ARFGEF3: variants seen among roughly 807,000 people sequenced by gnomAD.
The protein encoded by ARFGEF3 is ARFGEF family member 3, also known as brefeldin A-inhibited guanine nucleotide-exchange protein 3.
In ARFGEF3, 96 loss-of-function variants were observed where a neutral mutation model predicts 221.7. The ratio of observed to expected loss-of-function variants is 0.43; its 90% CI spans 0.37 to 0.51. The LOEUF is 0.51. Ranked by LOEUF, ARFGEF3 falls within the 20% of genes least tolerant of loss-of-function variation. ARFGEF3 has a pLI of 0.00. For missense variants in ARFGEF3, 2,410 were observed against 2,789.9 expected (o/e 0.86, Z 3.07); for synonymous variants, 1,145 against 1,126.8 (o/e 1.02, Z -0.32).
At chr6:138,281,384 G>A (rs113464764) in intron 14 of ARFGEF3, among the ~76,000 whole-genome samples, 56 of 152,322 alleles carry the variant, frequency 3.7e-4, no homozygotes, top group Non-Finnish European at 5.9e-4. Context: ...CATATTGCAT[G>A]ATGCTGAGGT....
chr6:138,207,159 A>G (rs1202140710), intron 3 of ARFGEF3, 36 bp downstream of exon 3: 1 of 1,540,814 alleles, frequency 6.5e-7, no homozygotes, highest in East Asian at 2.3e-5. Flanking sequence ...GATGATAGAA[A>G]TTGACAGGCC....
At position 138,262,758 on chromosome 6, in the gene ARFGEF3, A is replaced by G. The variant is rs577556018; in HGVS notation, c.1275A>G (p.Ala425=). ...CIKGGIEACY[A]AVSCVCTLLG... is the part of the protein sequence containing the mutation. ...AGGGTGGCATCGAAGCTTGCTATGCAGCCGTGTCCTGTGTCTGCACCTTGC... is the reference window on the plus strand; with the variant it reads ...AGGGTGGCATCGAAGCTTGCTATGCGGCCGTGTCCTGTGTCTGCACCTTGC... The change falls in exon 12 of 34, where the codon GCA becomes GCG. Residue 425 remains alanine, a synonymous_variant. Coordinates refer to ENST00000251691, the MANE Select transcript of ARFGEF3 (RefSeq NM_020340.5). 69 of 1,613,042 alleles carry G rather than the reference A, an allele frequency of 4.3e-5. No homozygotes were observed. The South Asian group carries it at 7.2e-4, about 17-fold the overall frequency.
intron 2 of ARFGEF3, among the ~76,000 whole-genome samples, chr6:138,185,599 A>T (rs1380764996): frequency 6.6e-6 from 1 of 152,158 alleles, no homozygotes; most frequent in African/African-American, 2.4e-5. Flanking sequence ...TGAAGTTTTA[A>T]ATTAAATGGT....
chr6:138,211,889 G>A (rs1304975514), intron 4 of ARFGEF3, among the ~76,000 whole-genome samples: 2 of 152,138 alleles, frequency 1.3e-5, no homozygotes, highest in East Asian at 1.9e-4. Flanking sequence ...ACCAGAAATC[G>A]TGGAAAGCCT....
At chr6:138,254,808 A>G (rs1241643697) in intron 9 of ARFGEF3, among the ~76,000 whole-genome samples, 1 of 152,232 alleles carries the variant, frequency 6.6e-6, no homozygotes, top group Non-Finnish European at 1.5e-5. Flanking sequence ...TTATGGCAGA[A>G]TATGCTTCCA....
At chr6:138,282,895 A>C (rs1279609835) in intron 14 of ARFGEF3, among the ~76,000 whole-genome samples, 1 of 152,130 alleles carries the variant, frequency 6.6e-6, no homozygotes, top group Non-Finnish European at 1.5e-5. Context: ...CAAAAAAAAT[A>C]CAAAAATTAG....
chr6:138,267,209 A>C (rs185603494), intron 12 of ARFGEF3, among the ~76,000 whole-genome samples: 1 of 152,288 alleles, frequency 6.6e-6, no homozygotes, highest in East Asian at 1.9e-4. Context: ...GGATCACTTG[A>C]GGCCAGGAGT....
At chr6:138,316,264 G>A (rs1472907743) in intron 26 of ARFGEF3, among the ~76,000 whole-genome samples, 1 of 151,922 alleles carries the variant, frequency 6.6e-6, no homozygotes, top group African/African-American at 2.4e-5. Context: ...TAGTAAATCA[G>A]AACAAAAATC....
intron 4 of ARFGEF3, among the ~76,000 whole-genome samples, chr6:138,222,756 T>C (rs1234935917): frequency 6.6e-6 from 1 of 152,172 alleles, no homozygotes; most frequent in Non-Finnish European, 1.5e-5. Context: ...GGGGTACAAG[T>C]GGCTTTTGGT....
Position 138,242,976 on chromosome 6 carries a change from C to A in ARFGEF3, c.568C>A (p.Gln190Lys), listed in dbSNP as rs759894071. ...GATAATTGAAAACCCAGATGTCCCA[C>A]AGGATTTCGGGAATCAAGGTATGGC... ...NTIIENPDVP[Q>K]DFGNQGSTVE... Residue 190 changes from glutamine (Q) to lysine (K), a missense_variant, in exon 7 of 34, where the codon CAG (glutamine) becomes AAG (lysine). Gln to Lys is a moderately conservative substitution (Grantham distance 53). Coordinates refer to ENST00000251691, the MANE Select transcript of ARFGEF3 (RefSeq NM_020340.5). 2.5e-6 allele frequency: 4 copies of A among 1,612,356 alleles called. No homozygotes were observed. Among genetic ancestry groups the A allele is most frequent in the Non-Finnish European group, 3.4e-6 (4 of 1,178,950 alleles).
In ARFGEF3 at chr6:138,286,809, T is replaced by C; in HGVS notation, c.2678T>C (p.Phe893Ser). The C allele has an allele frequency of 6.2e-7, 1 of 1,614,046 alleles. No individual in the cohort carries two copies. ...RMAGSSKGLA[F>S]ILGAEGIKEQ... ...GCGGGGAGCTCCAAAGGGCTGGCCT[T>C]CATTCTGGGAGCTGAAGGCATCAAA... The change falls in exon 16 of 34, where the codon TTC becomes TCC. Residue 893 changes from phenylalanine (F) to serine (S), a missense_variant. By Grantham distance (155) the Phe-to-Ser change is radical (BLOSUM62 -2). Around this residue, in one of 5 missense-constraint regions of ARFGEF3, gnomAD observed 594 missense variants for 734.3 expected, o/e 0.81. Coordinates refer to ENST00000251691, the MANE Select transcript of ARFGEF3 (RefSeq NM_020340.5).
intron 2 of ARFGEF3, among the ~76,000 whole-genome samples, chr6:138,202,205 A>G (rs981742082): frequency 1.3e-5 from 2 of 152,204 alleles, no homozygotes; most frequent in African/African-American, 4.8e-5. Context: ...GGTTTTTGCT[A>G]TGCCCTTTTC....
intron 25 of ARFGEF3, among the ~76,000 whole-genome samples, chr6:138,311,824 A>G (rs980355679): frequency 7.9e-5 from 12 of 152,164 alleles, no homozygotes; most frequent in African/African-American, 2.7e-4. Context: ...GGTCATGAGA[A>G]GTCTTCCTGA....
intron 5 of ARFGEF3, among the ~76,000 whole-genome samples, chr6:138,237,561 C>CT: frequency 6.6e-6 from 1 of 152,236 alleles, no homozygotes; most frequent in African/African-American, 2.4e-5. Flanking sequence ...ACCACCAGGT[C>CT]TTTTTAGGCT....
intron 12 of ARFGEF3, among the ~76,000 whole-genome samples, chr6:138,271,521 T>A (rs1053424128): frequency 2.0e-5 from 3 of 152,214 alleles, no homozygotes; most frequent in Middle Eastern, 3.2e-3. Flanking sequence ...TTAATACTCA[T>A]AACAACCCCA....
chr6:138,219,914 A>G lies in ARFGEF3; in HGVS notation c.352-9870A>G, dbSNP rs147087714. Among the ~76,000 whole-genome samples, 34 of 152,312 alleles carry G rather than the reference A, an allele frequency of 2.2e-4. No homozygotes were observed. In the East Asian group the frequency reaches 5.4e-3, roughly 24 times the overall value. On this transcript the variant is annotated intron_variant, in intron 4 of 33. Coordinates refer to ENST00000251691, the MANE Select transcript of ARFGEF3 (RefSeq NM_020340.5). ...ATTGTAAATCCCATCATGTTGACTG[A>G]TTCTTGTATACTGATTTCTCATCAT...
At chr6:138,190,413 G>A (rs1461119609) in intron 2 of ARFGEF3, among the ~76,000 whole-genome samples, 3 of 152,084 alleles carry the variant, frequency 2.0e-5, no homozygotes, top group Non-Finnish European at 4.4e-5. Flanking sequence ...TATGAGCCGA[G>A]CATGTGTTTG....
chr6:138,170,735 A>C, intron 2 of ARFGEF3, 22 bp downstream of exon 2: 1 of 1,436,072 alleles, frequency 7.0e-7, no homozygotes, highest in Non-Finnish European at 9.8e-7. Context: ...ACATTGTATA[A>C]TATCACAGAA....
At chr6:138,276,587 T>C (rs1014500347) in intron 12 of ARFGEF3, among the ~76,000 whole-genome samples, 8 of 152,232 alleles carry the variant, frequency 5.3e-5, no homozygotes, top group Non-Finnish European at 8.8e-5. Flanking sequence ...TTTATTTTTT[T>C]AACAGTTTGA....
Sources: gnomAD v4.1 joint callset for allele counts (sites outside exome capture counted in the v4.1 genomes callset) on GRCh38, gnomAD v4.1.1 for gene constraint, gnomAD v4.1.1 regional missense constraint, MANE v1.5 for transcripts, NCBI Gene and HGNC (gene_info 2026-07-23, HGNC 2026-07-21) for gene names.